SCRG1: variants seen among roughly 807,000 people sequenced by gnomAD.
SCRG1 encodes scrapie-responsive protein 1.
SCRG1 carries 3 observed loss-of-function variants against 7.7 expected under a neutral mutation model. The ratio of observed to expected loss-of-function variants is 0.39; its 90% CI spans 0.18 to 1.01. The LOEUF is 1.01. Ranked by LOEUF, SCRG1 falls within the 50% of genes least tolerant of loss-of-function variation. SCRG1 has a pLI of 0.36. For missense variants in SCRG1, 110 were observed against 117.2 expected, an observed-to-expected ratio of 0.94 and a Z score of 0.28; for synonymous variants, 46 against 41.2, an observed-to-expected ratio of 1.12 and a Z score of -0.44.
upstream of SCRG1, among the ~76,000 whole-genome samples, chr4:173,401,250 A>G (rs1739754481): frequency 1.3e-5 from 2 of 152,258 alleles, no homozygotes; most frequent in Admixed American, 6.5e-5. Flanking sequence ...TTTCCTTTGC[A>G]TATTTATAAA....
At chr4:173,425,266 G>A in the SCRG1 span, among the ~76,000 whole-genome samples, 1 of 152,138 alleles carries the variant, frequency 6.6e-6, no homozygotes, top group Non-Finnish European at 1.5e-5. Flanking sequence ...TTTAATTTGG[G>A]TTTAGGACAT....
chr4:173,414,116 C>T, the SCRG1 span, among the ~76,000 whole-genome samples: 1 of 152,072 alleles, frequency 6.6e-6, no homozygotes, highest in Non-Finnish European at 1.5e-5. Flanking sequence ...ACCTAATCAC[C>T]CAGCAACACA....
chr4:173,447,360 T>A, the SCRG1 span, among the ~76,000 whole-genome samples: 2 of 152,180 alleles, frequency 1.3e-5, no homozygotes, highest in Non-Finnish European at 2.9e-5. Context: ...CACACTGGGA[T>A]TAGGATTTGA....
chr4:173,454,688 T>C, the SCRG1 span, among the ~76,000 whole-genome samples: 1 of 152,200 alleles, frequency 6.6e-6, no homozygotes, highest in Non-Finnish European at 1.5e-5. Flanking sequence ...GGCACTTCCC[T>C]GAAGGTGTTA....
the SCRG1 span, chr4:173,469,008 T>C: frequency 1.3e-5 from 2 of 152,216 alleles, no homozygotes; most frequent in Non-Finnish European, 2.9e-5. Flanking sequence ...GTAGAGGCTC[T>C]GAAGTGTCCC....
At chr4:173,456,559 C>A in the SCRG1 span, among the ~76,000 whole-genome samples, 1 of 152,138 alleles carries the variant, frequency 6.6e-6, no homozygotes, top group Admixed American at 6.5e-5. Flanking sequence ...ATTTTGGGTT[C>A]CTTTATCATT....
At chr4:173,515,955 A>T in the SCRG1 span, among the ~76,000 whole-genome samples, 1 of 152,072 alleles carries the variant, frequency 6.6e-6, no homozygotes, top group Non-Finnish European at 1.5e-5. This position sits in a 1 kb window ranked among gnomAD's most constrained non-coding sequence, Gnocchi z 4.6. Context: ...GGCGACTTTC[A>T]TTTCTCGCTG....
the SCRG1 span, among the ~76,000 whole-genome samples, chr4:173,512,865 G>C: frequency 2.6e-5 from 4 of 152,212 alleles, no homozygotes; most frequent in Non-Finnish European, 5.9e-5. Flanking sequence ...CTCTTGTAGG[G>C]AACAGTCACC....
chr4:173,484,811 A>T, the SCRG1 span, among the ~76,000 whole-genome samples: 1 of 62,790 alleles, frequency 1.6e-5, no homozygotes, highest in Non-Finnish European at 2.9e-5. Context: ...ATTATATATT[A>T]TACATATAAT....
the SCRG1 span, among the ~76,000 whole-genome samples, chr4:173,499,033 G>A: frequency 6.6e-6 from 1 of 152,170 alleles, no homozygotes; most frequent in Non-Finnish European, 1.5e-5. The surrounding 1 kb of genome is among the most constrained non-coding windows in gnomAD (Gnocchi z 4.1). Flanking sequence ...AAAAGGCCGC[G>A]GGTTCTGGAG....
chr4:173,405,042 T>C lies in SCRG1; in HGVS notation c.-747-610A>G, dbSNP rs144320805. Among the ~76,000 whole-genome samples the C allele has an allele frequency of 4.2e-3, 641 of 152,324 alleles. 4 individuals carry two copies. Among genetic ancestry groups the C allele is most frequent in the African/African-American group, 0.015 (614 of 41,568 alleles). On this transcript the variant is annotated intron_variant and NMD_transcript_variant, in intron 1 of 8. Coordinates refer to the SCRG1 transcript ENST00000512188. Reference sequence around the variant, plus strand: ...TCTACATTAATACATTATTATTAACTAAAGTTCATACTTTATTTATTTGTA... The same window carrying C: ...TCTACATTAATACATTATTATTAACCAAAGTTCATACTTTATTTATTTGTA...
chr4:173,431,136 A>G, the SCRG1 span, among the ~76,000 whole-genome samples: 120 of 152,332 alleles, frequency 7.9e-4, 1 homozygote, highest in South Asian at 0.011. Flanking sequence ...TTTTAAAAAG[A>G]AAAGAAGTAT....
At chr4:173,424,763 G>A in the SCRG1 span, among the ~76,000 whole-genome samples, 2 of 152,084 alleles carry the variant, frequency 1.3e-5, no homozygotes, top group Non-Finnish European at 2.9e-5. Context: ...ACAAGAATTA[G>A]CTGGGCATAG....
the SCRG1 span, among the ~76,000 whole-genome samples, chr4:173,457,015 T>C: frequency 6.6e-6 from 1 of 152,242 alleles, no homozygotes; most frequent in East Asian, 1.9e-4. Flanking sequence ...AGAGAGATTC[T>C]TTACTCTTTC....
At chr4:173,419,085 C>T in the SCRG1 span, among the ~76,000 whole-genome samples, 2 of 152,188 alleles carry the variant, frequency 1.3e-5, no homozygotes, top group African/African-American at 2.4e-5. Flanking sequence ...CTCTCACCTC[C>T]TTCAAGGCTT....
At chr4:173,483,771 T>C in the SCRG1 span, among the ~76,000 whole-genome samples, 11 of 73,572 alleles carry the variant, frequency 1.5e-4, 4 homozygotes, top group African/African-American at 7.2e-4. Flanking sequence ...ATATATATGA[T>C]ATATGATATA....
At chr4:173,410,781 A>G (rs573083387), upstream of SCRG1, among the ~76,000 whole-genome samples, 9 of 152,342 alleles carry the variant, frequency 5.9e-5, no homozygotes, top group Admixed American at 2.0e-4. Context: ...CTTTTTAAAA[A>G]AAACTATATA....
chr4:173,424,849 T>TG, the SCRG1 span, among the ~76,000 whole-genome samples: 1 of 134,630 alleles, frequency 7.4e-6, no homozygotes, highest in Non-Finnish European at 1.6e-5. Context: ...ACAGAGGTTG[T>TG]GGCAAGCCGA....
the SCRG1 span, among the ~76,000 whole-genome samples, chr4:173,454,795 C>T: frequency 6.6e-6 from 1 of 152,122 alleles, no homozygotes; most frequent in Non-Finnish European, 1.5e-5. Context: ...ACCTATTGCA[C>T]ATAGAAGACC....
Sources: allele counts gnomAD v4.1 joint callset (sites outside exome capture counted in the v4.1 genomes callset), GRCh38; gene constraint gnomAD v4.1.1; non-coding constraint Gnocchi (gnomAD v3.1); transcripts MANE v1.5; gene names NCBI Gene and HGNC (gene_info 2026-07-23, HGNC 2026-07-21).